Variants in CORO2B observed in about 807,000 individuals in gnomAD.
CORO2B encodes coronin 2B.
CORO2B carries 26 observed loss-of-function variants against 58.8 expected under a neutral mutation model. The ratio of observed to expected loss-of-function variants is 0.44; its 90% CI spans 0.32 to 0.61. The LOEUF (loss-of-function observed/expected upper bound fraction) is 0.61. CORO2B is among the 20% of genes least tolerant of loss of function. The pLI, the probability that CORO2B is intolerant of heterozygous loss-of-function variation, is 0.04. For synonymous variants in CORO2B, 242 were observed against 253.8 expected, an observed-to-expected ratio of 0.95 and a Z score of 0.44; for missense variants, 460 against 645.1, an observed-to-expected ratio of 0.71 and a Z score of 3.11.
At chr15:68,692,567 A>G (rs1892405343) in intron 2 of CORO2B, among the ~76,000 whole-genome samples, 1 of 150,676 alleles carries the variant, frequency 6.6e-6, no homozygotes, top group Non-Finnish European at 1.5e-5. Context: ...CCTGGGCGAC[A>G]GAGTGAGACT....
intron 1 of CORO2B, among the ~76,000 whole-genome samples, chr15:68,633,770 G>A (rs1165623604): frequency 2.6e-5 from 4 of 152,198 alleles, no homozygotes; most frequent in African/African-American, 7.2e-5. Flanking sequence ...ATACTACAAC[G>A]GAGCCGGCAG....
At chr15:68,634,122 G>A (rs915038904) in intron 1 of CORO2B, among the ~76,000 whole-genome samples, 4 of 152,254 alleles carry the variant, frequency 2.6e-5, no homozygotes, top group African/African-American at 9.6e-5. Flanking sequence ...CACCTACCAA[G>A]AAGCCGGAGG....
intron 3 of CORO2B, among the ~76,000 whole-genome samples, chr15:68,698,845 C>G (rs879709683): frequency 2.5e-4 from 38 of 152,266 alleles, no homozygotes; most frequent in Admixed American, 2.0e-4. Flanking sequence ...GGAAACACCC[C>G]TAGTAGAGGC....
At chr15:68,660,964 T>A (rs980933930) in intron 2 of CORO2B, among the ~76,000 whole-genome samples, 5 of 142,924 alleles carry the variant, frequency 3.5e-5, no homozygotes, top group Non-Finnish European at 6.1e-5. Context: ...CCATGTGTAA[T>A]GTGTAATGAG....
intron 2 of CORO2B, among the ~76,000 whole-genome samples, chr15:68,672,159 G>GGTGTGTGT (rs60989044): frequency 0.014 from 2,099 of 146,254 alleles, 35 homozygotes; most frequent in African/African-American, 0.036. Flanking sequence ...GTAATCGGGA[G>GGTGTGTGT]GTGTGTGTGT....
chr15:68,724,030 C>T (rs1008681717), intron 11 of CORO2B, among the ~76,000 whole-genome samples: 2 of 151,828 alleles, frequency 1.3e-5, no homozygotes, highest in Admixed American at 6.6e-5. Context: ...GGTGAAACCC[C>T]GTCTCTACTA....
intron 1 of CORO2B, among the ~76,000 whole-genome samples, chr15:68,595,209 C>T (rs959909257): frequency 6.6e-6 from 1 of 152,194 alleles, no homozygotes; most frequent in Non-Finnish European, 1.5e-5. Flanking sequence ...AGAGAGAGTA[C>T]TCTCTTGAGC....
At chr15:68,519,618 T>G in the CORO2B span, among the ~76,000 whole-genome samples, 3 of 152,226 alleles carry the variant, frequency 2.0e-5, no homozygotes, top group African/African-American at 7.2e-5. Flanking sequence ...AACAACCAAC[T>G]TTTGATTTTG....
rs1892891265 is a variant in CORO2B at position 68,710,624 on chromosome 15, C to T, written c.334-108C>T. 45 of 1,304,576 alleles carry T rather than the reference C, an allele frequency of 3.4e-5. No individual in the cohort carries two copies. The highest frequency in any genetic ancestry group is 4.5e-5 in the Non-Finnish European group (44 of 988,450). The allele number at this position is 1,304,576 out of a possible 1,614,324, so 80.8% of individuals were successfully genotyped here. The stretch of plus-strand genomic sequence containing the variant: ...CCCATCGCCTCAAGCCAGGAGGTGG[C>T]TCATCAGGCAGATCTCAGAAAGCCT... On this transcript the variant is annotated intron_variant, in intron 3 of 11. Coordinates refer to ENST00000261861, the MANE Select transcript of CORO2B (RefSeq NM_006091.5). The surrounding 1 kb of genome is among the most constrained non-coding windows in gnomAD (Gnocchi z 4.1).
chr15:68,614,620 G>C lies in CORO2B; in HGVS notation c.16-30540G>C, dbSNP rs534482993. Among the ~76,000 whole-genome samples the C allele has an allele frequency of 1.5e-4, 23 of 152,296 alleles. 1 individual carries two copies. Among genetic ancestry groups the C allele is most frequent in the African/African-American group, 3.4e-4 (14 of 41,568 alleles). The stretch of plus-strand genomic sequence containing the variant: ...AGGGTCATGAGAGGAAAGCCCCGGA[G>C]CCCTCACGGTCAAGGATGTGTCTGG... On this transcript the variant is annotated intron_variant, in intron 1 of 11. Coordinates refer to ENST00000261861, the MANE Select transcript of CORO2B (RefSeq NM_006091.5).
At chr15:68,554,534 C>A in the CORO2B span, among the ~76,000 whole-genome samples, 1 of 152,158 alleles carries the variant, frequency 6.6e-6, no homozygotes, top group Non-Finnish European at 1.5e-5. Context: ...CTGAAACGCA[C>A]CCATGTGAGG....
chr15:68,597,898 G>A (rs1218429192), intron 1 of CORO2B, among the ~76,000 whole-genome samples: 4 of 152,230 alleles, frequency 2.6e-5, no homozygotes, highest in African/African-American at 9.6e-5. Flanking sequence ...TGACCAGGGG[G>A]ATCCAGTGAG....
chr15:68,534,928 A>C, the CORO2B span, among the ~76,000 whole-genome samples: 1 of 151,124 alleles, frequency 6.6e-6, no homozygotes, highest in South Asian at 2.1e-4. Context: ...TTATAAAAGC[A>C]TTAGATCTTG....
chr15:68,720,972 T>C (rs892447742), intron 11 of CORO2B, among the ~76,000 whole-genome samples: 6 of 152,172 alleles, frequency 3.9e-5, no homozygotes, highest in African/African-American at 9.6e-5. Flanking sequence ...CTGCAACCTA[T>C]GCAGGTTCAA....
chr15:68,705,766 A>C (rs970072538), intron 3 of CORO2B, among the ~76,000 whole-genome samples: 2 of 152,074 alleles, frequency 1.3e-5, no homozygotes, highest in African/African-American at 2.4e-5. Context: ...TCACCTCAGC[A>C]TGTCAGCTCA....
At chr15:68,520,518 C>T in the CORO2B span, among the ~76,000 whole-genome samples, 4 of 152,188 alleles carry the variant, frequency 2.6e-5, no homozygotes, top group Non-Finnish European at 5.9e-5. Flanking sequence ...TGAAATGTCT[C>T]TCTTAAATGC....
chr15:68,599,838 G>C (rs766836817), intron 1 of CORO2B, among the ~76,000 whole-genome samples: 1 of 152,222 alleles, frequency 6.6e-6, no homozygotes, highest in Admixed American at 6.5e-5. Flanking sequence ...AATTGTGCTC[G>C]AGGCCTGAGT....
intron 1 of CORO2B, among the ~76,000 whole-genome samples, chr15:68,617,019 A>G (rs1900376770): frequency 6.6e-6 from 1 of 152,206 alleles, no homozygotes; most frequent in Non-Finnish European, 1.5e-5. Flanking sequence ...AGAACCAGGT[A>G]TATGGAGAGT....
chr15:68,680,080 TG>T (rs1902728528), intron 2 of CORO2B, among the ~76,000 whole-genome samples: 1 of 151,440 alleles, frequency 6.6e-6, no homozygotes. Flanking sequence ...ACGCTCTTGG[TG>T]GATGGCGGTT....
Sources: allele counts gnomAD v4.1 joint callset (sites outside exome capture counted in the v4.1 genomes callset), GRCh38; gene constraint gnomAD v4.1.1; non-coding constraint Gnocchi (gnomAD v3.1); transcripts MANE v1.5; gene names NCBI Gene and HGNC (gene_info 2026-07-23, HGNC 2026-07-21).